The following SETD6 variants were observed in gnomAD, a reference collection of about 807,000 sequenced individuals.
SETD6 encodes the protein SET domain containing 6, protein lysine methyltransferase, also known as N-lysine methyltransferase SETD6.
In SETD6, 67 loss-of-function variants were observed where a neutral mutation model predicts 52.7. The ratio of observed to expected loss-of-function variants is 1.27; its 90% CI spans 1.04 to 1.56. The LOEUF (loss-of-function observed/expected upper bound fraction) is 1.56. Among genes scored for constraint, SETD6 ranks in the 40% most tolerant of loss-of-function variants. The probability of loss-of-function intolerance (pLI) is 0.00; values close to 1 mark genes in which losing one functional copy is unlikely to be tolerated. For synonymous variants in SETD6, 307 were observed against 250.2 expected (o/e 1.23, Z -2.14); for missense variants, 712 against 607.5 (o/e 1.17, Z -1.81).
In SETD6 at chr16:58,516,213, C is replaced by T. The variant is rs1463365307; in HGVS notation, c.346C>T (p.Leu116=). ...TGTGTCTTCCTCAGAGCGAGTTGCG[C>T]TGCAGAGCCAGTCGGGCTGGGTGCC... ...GGLLERERVA[L]QSQSGWVPLL... Residue 116 remains leucine (L), a synonymous_variant, in exon 3 of 8, where the codon CTG becomes TTG. Transcript: ENST00000219315. 4 of 1,593,006 alleles carry T rather than the reference C, an allele frequency of 2.5e-6. No homozygotes were observed. Among genetic ancestry groups the T allele is most frequent in the East Asian group, 4.5e-5 (2 of 44,774 alleles).
chr16:58,516,678 T>C lies in SETD6; in HGVS notation c.671+6T>C, dbSNP rs780323789. On this transcript the variant is annotated splice_donor_region_variant and intron_variant, in intron 4 of 7. Coordinates refer to ENST00000219315, the MANE Select transcript of SETD6 (RefSeq NM_001160305.4). ...GCCCTTGTGATGGCCTATAGGTCAG[T>C]GGGTGGGGCCTCTGAGGACGGAACC... The C allele has an allele frequency of 1.2e-6, 2 of 1,612,366 alleles. No individual in the cohort carries two copies. Among genetic ancestry groups the C allele is most frequent in the Non-Finnish European group, 1.7e-6 (2 of 1,179,034 alleles).
In SETD6 at chr16:58,519,642, T is replaced by G. The variant is rs887699960; in HGVS notation, c.*613T>G. 1 of 124,724 alleles carries G rather than the reference T, an allele frequency of 8.0e-6. No individual in the cohort carries two copies. Among genetic ancestry groups the G allele is most frequent in the African/African-American group, 2.6e-5 (1 of 38,170 alleles). 7.7% of individuals were successfully genotyped at this position (124,724 alleles called of 1,614,324 possible). A position where few individuals can be genotyped will look rare whatever the true frequency, so the allele number is the denominator to read the frequency against. On this transcript the variant is annotated 3_prime_UTR_variant, in exon 8 of 8. Coordinates refer to ENST00000219315, the MANE Select transcript of SETD6 (RefSeq NM_001160305.4). ...TTTTTAAATACGTATCTACTCATTT[T>G]CTTTAAAAAAAAAAAAAAAATACCT...
In SETD6 at chr16:58,523,298, TA is replaced by T; in HGVS notation, c.*4272del. 1 of 1,436,566 alleles carries T rather than the reference TA, an allele frequency of 7.0e-7. No homozygotes were observed. The allele number at this position is 1,436,566 out of a possible 1,614,324, so 89.0% of individuals were successfully genotyped here. A position where few individuals can be genotyped will look rare whatever the true frequency, so the allele number is the denominator to read the frequency against. ...GGATTTTCACTGAACACTGAAAGCA[TA>T]AAGAGGAAAAAAAAAAGATGAAAGG... On this transcript the variant is annotated 3_prime_UTR_variant, in exon 8 of 8. Coordinates refer to ENST00000219315, the MANE Select transcript of SETD6 (RefSeq NM_001160305.4).
chr16:58,523,331 A>G lies in SETD6; in HGVS notation c.*4302A>G. 6.5e-7 allele frequency: 1 copy of G among 1,538,612 alleles called. No individual in the cohort carries two copies. Among genetic ancestry groups the G allele is most frequent in the South Asian group, 1.3e-5 (1 of 79,136 alleles). The stretch of plus-strand genomic sequence containing the variant: ...AAAAAAAAAAGATGAAAGGGAGGAG[A>G]TCCTTTTGAAGCATTTAAAAAATAA... On this transcript the variant is annotated 3_prime_UTR_variant, in exon 8 of 8. Coordinates refer to ENST00000219315, the MANE Select transcript of SETD6 (RefSeq NM_001160305.4).
chr16:58,522,448 A>G lies in SETD6; in HGVS notation c.*3419A>G, dbSNP rs1277348744. On this transcript the variant is annotated 3_prime_UTR_variant, in exon 8 of 8. Transcript: ENST00000219315. ...TGGATCATCATCATCTAAGCATCCA[A>G]TAAGATATTAAATTTTAGTACACAA... Among the ~76,000 whole-genome samples the G allele has an allele frequency of 1.3e-5, 2 of 152,182 alleles. No individual in the cohort carries two copies. Among genetic ancestry groups the G allele is most frequent in the East Asian group, 1.9e-4 (1 of 5,190 alleles).
rs944285867 is a variant in SETD6 at position 58,516,546 on chromosome 16, C to T, written c.545C>T (p.Ala182Val). 1 of 1,614,120 alleles carries T rather than the reference C, an allele frequency of 6.2e-7. No homozygotes were observed. Among genetic ancestry groups the T allele is most frequent in the Non-Finnish European group, 8.5e-7 (1 of 1,180,006 alleles). The change falls in exon 4 of 8, where the codon GCC becomes GTC. Residue 182 changes from alanine to valine, a missense_variant. Transcript: ENST00000219315. ...CCTGAGGCCGTGGAGAAGGATTTGGCCAACATCCGCAGCGAGTACCAGTCC... is the reference window on the plus strand; with the variant it reads ...CCTGAGGCCGTGGAGAAGGATTTGGTCAACATCCGCAGCGAGTACCAGTCC... The part of the protein sequence containing the change: ...GVPEAVEKDL[A>V]NIRSEYQSIV...
At chr16:58,517,298 A>C in intron 5 of SETD6, 1 of 336,096 alleles carries the variant, frequency 3.0e-6, no homozygotes, top group Non-Finnish European at 5.8e-6. Flanking sequence ...GAGGACATTC[A>C]CAGGCCAAAG....
chr16:58,518,794 A>G lies in SETD6; in HGVS notation c.1187A>G (p.Glu396Gly). Residue 396 changes from glutamate to glycine, a missense_variant, in exon 8 of 8, where the codon GAA (glutamate) becomes GGA (glycine). Transcript: ENST00000219315. Reference sequence around the variant, plus strand: ...GATGGAGGGGGAGATGATAAAAGGGAAGAGGGCAGCCTGACGATCACAAAT... The same window carrying G: ...GATGGAGGGGGAGATGATAAAAGGGGAGAGGGCAGCCTGACGATCACAAAT... ...DQDGGGDDKR[E>G]EGSLTITNIP... 6.2e-7 allele frequency: 1 copy of G among 1,614,126 alleles called. No individual in the cohort carries two copies. Among genetic ancestry groups the G allele is most frequent in the Non-Finnish European group, 8.5e-7 (1 of 1,180,028 alleles).
Position 58,518,433 on chromosome 16 carries a change from T to A in SETD6, c.1006T>A (p.Tyr336Asn). ...TKTEAERHLV[Y>N]ERWDFLCKLE... ...AACTGAAGCTGAAAGGCACCTAGTGTACGAGCGCTGGGATTTCCTATGCAA... is the reference window on the plus strand; with the variant it reads ...AACTGAAGCTGAAAGGCACCTAGTGAACGAGCGCTGGGATTTCCTATGCAA... The change falls in exon 7 of 8, where the codon TAC becomes AAC. Residue 336 changes from tyrosine (Y) to asparagine (N), a missense_variant. Tyr to Asn is a moderately radical substitution (Grantham distance 143). Coordinates refer to ENST00000219315, the MANE Select transcript of SETD6 (RefSeq NM_001160305.4). 1 of 1,586,456 alleles carries A rather than the reference T, an allele frequency of 6.3e-7. No homozygotes were observed. The highest frequency in any genetic ancestry group is 8.5e-7 in the Non-Finnish European group (1 of 1,173,094).
Position 58,515,956 on chromosome 16 carries a change from G to T in SETD6, c.193G>T (p.Ala65Ser). 6.5e-7 allele frequency: 1 copy of T among 1,527,272 alleles called. No individual in the cohort carries two copies. 94.6% of individuals were successfully genotyped at this position (1,527,272 alleles called of 1,614,324 possible). Residue 65 changes from alanine to serine, a missense_variant, in exon 2 of 8, where the codon GCG (alanine) becomes TCG (serine). Transcript: ENST00000219315. ...AALTSPPAQV[A>S]VSRQGTVAGY... ...CCTGACCAGCCCTCCTGCTCAGGTG[G>T]CGGTCAGCCGGCAGGGCACGGTGGC...
chr16:58,518,922 AG>A lies in SETD6; in HGVS notation c.1316del (p.Ser439IlefsTer25). 1 of 1,614,230 alleles carries A rather than the reference AG, an allele frequency of 6.2e-7. No individual in the cohort carries two copies. Among genetic ancestry groups the A allele is most frequent in the Non-Finnish European group, 8.5e-7 (1 of 1,180,038 alleles). On this transcript the variant is annotated frameshift_variant, in exon 8 of 8. Coordinates refer to ENST00000219315, the MANE Select transcript of SETD6 (RefSeq NM_001160305.4). LOFTEE classifies it high-confidence loss of function. ...CTTAAAAACTGACCAAGGTTTACTC[AG>A]TAATAAGGAAGTCTATGCGAAACTC... ...TDLKTDQGLL[S>X]NKEVYAKLSW...
chr16:58,523,620 A>C lies in SETD6; in HGVS notation c.*4591A>C, dbSNP rs994997867. The stretch of plus-strand genomic sequence containing the variant: ...GGCTTTCAAATTAATCTTTGGTTTA[A>C]AGCAGTGGTTCTTGGGACCCCAAAG... On this transcript the variant is annotated 3_prime_UTR_variant, in exon 8 of 8. Coordinates refer to ENST00000219315, the MANE Select transcript of SETD6 (RefSeq NM_001160305.4). 2 of 893,088 alleles carry C rather than the reference A, an allele frequency of 2.2e-6. No individual in the cohort carries two copies. The highest frequency in any genetic ancestry group is 1.7e-6 in the Non-Finnish European group (1 of 595,320). The allele number at this position is 893,088 out of a possible 1,614,324, so 55.3% of individuals were successfully genotyped here. A position where few individuals can be genotyped will look rare whatever the true frequency, so the allele number is the denominator to read the frequency against.
chr16:58,515,640 G>A (rs2039095698), intron 1 of SETD6, 76 bp downstream of exon 1: 4 of 1,421,370 alleles, frequency 2.8e-6, no homozygotes, highest in Admixed American at 2.8e-5. Flanking sequence ...GTCCGCCTGC[G>A]CCCCCTCCGC....
At chr16:58,515,618 G>A (rs2039094035) in intron 1 of SETD6, 54 bp downstream of exon 1, 6 of 1,468,280 alleles carry the variant, frequency 4.1e-6, no homozygotes, top group African/African-American at 2.9e-5. Context: ...CCCCTTCTCC[G>A]TTCGCAGAAC....
At position 58,515,871 on chromosome 16, in the gene SETD6, G is replaced by T; in HGVS notation, c.108G>T (p.Leu36=). 6.6e-7 allele frequency: 1 copy of T among 1,520,792 alleles called. No homozygotes were observed. The allele number at this position is 1,520,792 out of a possible 1,614,324, so 94.2% of individuals were successfully genotyped here. A position where few individuals can be genotyped will look rare whatever the true frequency, so the allele number is the denominator to read the frequency against. ...GGTGCCGGCGGGTGGGGCTGGAGCT[G>T]AGTCCCAAGGTGAGCGAGCGAGCCG... The part of the protein sequence containing the change: ...LSWCRRVGLE[L]SPKVSERAGG... The change falls in exon 2 of 8, where the codon CTG becomes CTT. Residue 36 remains leucine (L), a synonymous_variant. Coordinates refer to ENST00000219315, the MANE Select transcript of SETD6 (RefSeq NM_001160305.4).
rs1428682952 is a variant in SETD6, at chr16:58,521,716, C to A, written c.*2687C>A. 2.0e-5 allele frequency among the ~76,000 whole-genome samples: 3 copies of A among 152,096 alleles called. No individual in the cohort carries two copies. Among genetic ancestry groups the A allele is most frequent in the Non-Finnish European group, 2.9e-5 (2 of 68,020 alleles). On this transcript the variant is annotated 3_prime_UTR_variant, in exon 8 of 8. Transcript: ENST00000219315. ...GCCTGTAATCCAGCACTTTGGGAGG[C>A]CGAGGCAGGTGGATCACCTGAGGTC...
In SETD6 at chr16:58,516,085, C is replaced by A. The variant is rs1366976276; in HGVS notation, c.322C>A (p.Leu108Met). 1.5e-6 allele frequency: 2 copies of A among 1,310,526 alleles called. No individual in the cohort carries two copies. Among genetic ancestry groups the A allele is most frequent in the East Asian group, 3.7e-5 (1 of 27,016 alleles). The allele number at this position is 1,310,526 out of a possible 1,614,324, so 81.2% of individuals were successfully genotyped here. Reference sequence around the variant, plus strand: ...GCAGCACACCTGCTCCATCGGCGGCCTGCTGGAGCGAGGTGGGCACGGCGG... The same window carrying A: ...GCAGCACACCTGCTCCATCGGCGGCATGCTGGAGCGAGGTGGGCACGGCGG... ...LSQHTCSIGG[L>M]LERERVALQS... Residue 108 changes from leucine to methionine, a missense_variant, in exon 2 of 8, where the codon CTG becomes ATG. Leu to Met is a conservative substitution (Grantham distance 15, BLOSUM62 2). Transcript: ENST00000219315.
chr16:58,515,990 G>A lies in SETD6; in HGVS notation c.227G>A (p.Gly76Asp). 6.5e-7 allele frequency: 1 copy of A among 1,541,886 alleles called. No individual in the cohort carries two copies. Among genetic ancestry groups the A allele is most frequent in the East Asian group, 2.5e-5 (1 of 39,330 alleles). Reference protein sequence around the residue: ...VSRQGTVAGYGMVARESVQAG... With the variant: ...VSRQGTVAGYDMVARESVQAG... ...CGGCAGGGCACGGTGGCCGGCTACG[G>A]CATGGTGGCCCGGGAGAGCGTGCAG... Residue 76 changes from glycine (G) to aspartate (D), a missense_variant, in exon 2 of 8, where the codon GGC becomes GAC. By Grantham distance (94) the Gly-to-Asp change is moderately conservative. Coordinates refer to ENST00000219315, the MANE Select transcript of SETD6 (RefSeq NM_001160305.4).
At position 58,520,603 on chromosome 16, in the gene SETD6, CA is replaced by C. The variant is rs2039337148; in HGVS notation, c.*1575del. The C allele has an allele frequency of 3.9e-6, 1 of 253,756 alleles. No homozygotes were observed. The highest frequency in any genetic ancestry group is 2.2e-5 in the African/African-American group (1 of 46,000). 15.7% of individuals were successfully genotyped at this position (253,756 alleles called of 1,614,324 possible). ...ATGGAGCTATGCCCTCAGACAAGTG[CA>C]TGGCATCAGCTGCCTCTTCATTACA... is the stretch of plus-strand genomic sequence containing the variant. On this transcript the variant is annotated 3_prime_UTR_variant, in exon 8 of 8. Coordinates refer to ENST00000219315, the MANE Select transcript of SETD6 (RefSeq NM_001160305.4).
Sources: gnomAD v4.1 joint callset for allele counts (sites outside exome capture counted in the v4.1 genomes callset) on GRCh38, gnomAD v4.1.1 for gene constraint, MANE v1.5 for transcripts, NCBI Gene and HGNC (gene_info 2026-07-23, HGNC 2026-07-21) for gene names.